DIAPH3: variants seen among roughly 807,000 people sequenced by gnomAD.
DIAPH3 encodes the protein diaphanous related formin 3.
A neutral mutation model predicts 144.3 loss-of-function variants in DIAPH3; 117 were observed. The observed-to-expected ratio is 0.81, with a 90% CI of 0.70 to 0.95. DIAPH3 has a LOEUF of 0.95. Ranked by LOEUF, DIAPH3 falls within the 40% of genes least tolerant of loss-of-function variation. The pLI, the probability that DIAPH3 is intolerant of heterozygous loss-of-function variation, is 0.00. For missense variants in DIAPH3, 1,421 were observed against 1,412.7 expected, an observed-to-expected ratio of 1.01 and a Z score of -0.09; for synonymous variants, 519 against 488.9, an observed-to-expected ratio of 1.06 and a Z score of -0.81.
chr13:59,717,562 C>T (rs900296134), intron 27 of DIAPH3, among the ~76,000 whole-genome samples: 1 of 152,150 alleles, frequency 6.6e-6, no homozygotes, highest in Non-Finnish European at 1.5e-5. Context: ...TACTTTCTAG[C>T]CACATGTCTC....
At chr13:59,779,151 G>A (rs1464655168) in intron 25 of DIAPH3, among the ~76,000 whole-genome samples, 1 of 152,144 alleles carries the variant, frequency 6.6e-6, no homozygotes, top group Non-Finnish European at 1.5e-5. Context: ...TCATCCTCCA[G>A]AGCAGATGGC....
chr13:59,944,436 T>C (rs899581933), intron 17 of DIAPH3, among the ~76,000 whole-genome samples: 2 of 152,284 alleles, frequency 1.3e-5, no homozygotes, highest in Admixed American at 6.5e-5. Context: ...AAGCAAACTA[T>C]GGCTCTGAAT....
intron 25 of DIAPH3, among the ~76,000 whole-genome samples, chr13:59,808,485 GAAAATT>G (rs1271816191): frequency 6.6e-6 from 1 of 152,034 alleles, no homozygotes; most frequent in Non-Finnish European, 1.5e-5. Context: ...TGAAAGTTGA[GAAAATT>G]AAAGTTATGC....
At chr13:59,818,085 CAA>C (rs900316843) in intron 24 of DIAPH3, among the ~76,000 whole-genome samples, 10 of 151,806 alleles carry the variant, frequency 6.6e-5, no homozygotes, top group African/African-American at 2.4e-4. Context: ...ATTTTGTAAA[CAA>C]AGTTTTACTG....
chr13:60,013,309 G>A (rs771899239), intron 7 of DIAPH3: 5 of 726,420 alleles, frequency 6.9e-6, no homozygotes, highest in Non-Finnish European at 6.7e-6. Context: ...CTAAATCCTC[G>A]TGTAGGACGC....
chr13:59,918,024 T>C (rs1167448698), intron 18 of DIAPH3, among the ~76,000 whole-genome samples: 2 of 150,248 alleles, frequency 1.3e-5, no homozygotes, highest in Non-Finnish European at 3.0e-5. Context: ...CCAGTAATTC[T>C]CCACCCTCAC....
At chr13:60,152,108 A>C (rs938915860) in intron 1 of DIAPH3, among the ~76,000 whole-genome samples, 1 of 152,208 alleles carries the variant, frequency 6.6e-6, no homozygotes, top group Non-Finnish European at 1.5e-5. Flanking sequence ...TGCAGCAATT[A>C]CGGGATAAAC....
At chr13:59,676,527 T>G (rs1195365446) in intron 27 of DIAPH3, among the ~76,000 whole-genome samples, 1 of 152,236 alleles carries the variant, frequency 6.6e-6, no homozygotes, top group Admixed American at 6.5e-5. Flanking sequence ...TGATCATGAG[T>G]TGAAATTATG....
intron 27 of DIAPH3, among the ~76,000 whole-genome samples, chr13:59,673,824 C>T (rs1191911846): frequency 6.6e-6 from 1 of 152,188 alleles, no homozygotes; most frequent in East Asian, 1.9e-4. Flanking sequence ...TGCATCCTTA[C>T]ACATCAATGT....
At chr13:59,809,344 A>C (rs913301228) in intron 25 of DIAPH3, among the ~76,000 whole-genome samples, 3 of 152,174 alleles carry the variant, frequency 2.0e-5, no homozygotes, top group Non-Finnish European at 4.4e-5. Context: ...TCTACTAAAA[A>C]TACAAAATTA....
intron 1 of DIAPH3, among the ~76,000 whole-genome samples, chr13:60,149,545 G>A (rs578073691): frequency 2.8e-4 from 43 of 152,058 alleles, no homozygotes; most frequent in Non-Finnish European, 5.9e-4. Context: ...TAGCCCAAGA[G>A]TTCAAGACAA....
At chr13:60,052,181 T>C (rs941119540) in intron 4 of DIAPH3, among the ~76,000 whole-genome samples, 1 of 152,074 alleles carries the variant, frequency 6.6e-6, no homozygotes, top group Non-Finnish European at 1.5e-5. Flanking sequence ...AGTAAGGGCA[T>C]GGCAGGAACA....
chr13:60,159,026 C>T (rs1385989145), intron 1 of DIAPH3, among the ~76,000 whole-genome samples: 5 of 150,354 alleles, frequency 3.3e-5, no homozygotes, highest in East Asian at 2.0e-4. Flanking sequence ...GATCATTGTT[C>T]GGCCTACTAC....
intron 27 of DIAPH3, among the ~76,000 whole-genome samples, chr13:59,739,107 T>C (rs1002671710): frequency 1.3e-5 from 2 of 152,200 alleles, no homozygotes; most frequent in African/African-American, 4.8e-5. Context: ...CTATCCCTCG[T>C]GCTTAGGTCC....
chr13:59,948,090 T>C (rs2048894263), intron 17 of DIAPH3, among the ~76,000 whole-genome samples: 1 of 152,178 alleles, frequency 6.6e-6, no homozygotes. Context: ...TTAACTCTCT[T>C]TTTCAGATGA....
intron 3 of DIAPH3, among the ~76,000 whole-genome samples, chr13:60,094,945 GT>G (rs1426809670): frequency 6.6e-6 from 1 of 152,030 alleles, no homozygotes; most frequent in Non-Finnish European, 1.5e-5. Context: ...GTTTTGTTTC[GT>G]TTTTTTCTCT....
chr13:59,996,802 G>A (rs1175862724), intron 9 of DIAPH3, among the ~76,000 whole-genome samples: 4 of 152,106 alleles, frequency 2.6e-5, no homozygotes, highest in East Asian at 3.9e-4. Flanking sequence ...ATTAGAAGCC[G>A]AAAGAGGTTA....
chr13:59,861,188 TTATAA>T (rs1176213735), intron 22 of DIAPH3: 2 of 1,419,526 alleles, frequency 1.4e-6, no homozygotes, highest in Admixed American at 5.6e-5. Context: ...ACAAAGTATT[TTATAA>T]TATAAGGCCT....
intron 20 of DIAPH3, among the ~76,000 whole-genome samples, chr13:59,900,627 T>G (rs565986390): frequency 3.7e-4 from 56 of 152,282 alleles, no homozygotes; most frequent in African/African-American, 4.3e-4. Context: ...AACAGTAAGG[T>G]TTGCATATTT....
Sources: allele counts gnomAD v4.1 joint callset (sites outside exome capture counted in the v4.1 genomes callset), GRCh38; gene constraint gnomAD v4.1.1; transcripts MANE v1.5; gene names NCBI Gene and HGNC (gene_info 2026-07-23, HGNC 2026-07-21).